The following AGTR1 variants were observed in gnomAD, a reference collection of about 807,000 sequenced individuals.
AGTR1 encodes the protein type-1 angiotensin II receptor.
Under a neutral mutation model 19.4 loss-of-function variants are expected in AGTR1, and 16 were observed. The ratio of observed to expected loss-of-function variants is 0.82; its 90% CI spans 0.56 to 1.25. AGTR1 has a LOEUF of 1.25. Among genes scored for constraint, AGTR1 ranks in the 50% most tolerant of loss-of-function variants. The pLI, the probability that AGTR1 is intolerant of heterozygous loss-of-function variation, is 0.00. For missense variants in AGTR1, 373 were observed against 431.9 expected (o/e 0.86, Z 1.21); for synonymous variants, 153 against 154.9 (o/e 0.99, Z 0.09).
At chr3:148,709,326 C>T (rs1458995247) in intron 2 of AGTR1, among the ~76,000 whole-genome samples, 2 of 152,110 alleles carry the variant, frequency 1.3e-5, no homozygotes, top group Non-Finnish European at 2.9e-5. Context: ...GCAGGAAAAG[C>T]AGGACACTTA....
At chr3:148,739,097 G>C (rs976901302) in intron 2 of AGTR1, among the ~76,000 whole-genome samples, 1 of 152,196 alleles carries the variant, frequency 6.6e-6, no homozygotes, top group Non-Finnish European at 1.5e-5. Flanking sequence ...GGTGGCTCAC[G>C]CCTGTAATTC....
At chr3:148,704,397 T>C (rs1712549341) in intron 1 of AGTR1, among the ~76,000 whole-genome samples, 2 of 152,064 alleles carry the variant, frequency 1.3e-5, no homozygotes, top group African/African-American at 4.8e-5. Context: ...CAACTTTTGA[T>C]ATCTCTATTT....
intron 2 of AGTR1, among the ~76,000 whole-genome samples, chr3:148,722,136 A>G (rs1228240376): frequency 6.6e-6 from 1 of 152,244 alleles, no homozygotes; most frequent in African/African-American, 2.4e-5. Flanking sequence ...TTTAGCATCC[A>G]TTATAAAATC....
chr3:148,701,487 T>A (rs1712338364), intron 1 of AGTR1, among the ~76,000 whole-genome samples: 1 of 152,230 alleles, frequency 6.6e-6, no homozygotes, highest in South Asian at 2.1e-4. Context: ...TGCTGTATGA[T>A]TACATTATTC....
chr3:148,732,757 T>C (rs868796436), intron 2 of AGTR1, among the ~76,000 whole-genome samples: 2,693 of 138,436 alleles, frequency 0.019, 17 homozygotes, highest in Middle Eastern at 0.096. Flanking sequence ...TTTTTTTTTT[T>C]TGAGACGGAG....
intron 2 of AGTR1, among the ~76,000 whole-genome samples, chr3:148,735,457 AC>A (rs1383527258): frequency 2.6e-5 from 4 of 152,122 alleles, no homozygotes; most frequent in African/African-American, 9.7e-5. Flanking sequence ...AGATTACAAA[AC>A]CTAAGCAGAA....
At position 148,741,890 on chromosome 3, in the gene AGTR1, T is replaced by A. The variant is rs1064532; in HGVS notation, c.855T>A (p.Pro285=). The change falls in exon 3 of 3, where the codon CCT becomes CCA. Residue 285 remains proline (P), a synonymous_variant. Coordinates refer to ENST00000349243, the MANE Select transcript of AGTR1 (RefSeq NM_000685.5). ...RIADIVDTAM[P]ITICIAYFNN... ...CAGATATTGTGGACACGGCCATGCC[T>A]ATCACCATTTGTATAGCTTATTTTA... 1 of 1,614,196 alleles carries A rather than the reference T, an allele frequency of 6.2e-7. No individual in the cohort carries two copies. The highest frequency in any genetic ancestry group is 1.1e-5 in the South Asian group (1 of 91,084).
chr3:148,708,389 C>T (rs900573476), intron 2 of AGTR1, among the ~76,000 whole-genome samples: 3 of 152,080 alleles, frequency 2.0e-5, no homozygotes, highest in Non-Finnish European at 4.4e-5. Context: ...ATTGTACTCT[C>T]TTGTCAGCTA....
intron 1 of AGTR1, among the ~76,000 whole-genome samples, chr3:148,699,561 C>T (rs1712200750): frequency 6.9e-6 from 1 of 144,906 alleles, no homozygotes; most frequent in Non-Finnish European, 1.5e-5. Context: ...ATGGAGACTC[C>T]CACTTAACTT....
At chr3:148,707,287 T>C (rs1377818897) in intron 1 of AGTR1, among the ~76,000 whole-genome samples, 1 of 152,088 alleles carries the variant, frequency 6.6e-6, no homozygotes, top group Non-Finnish European at 1.5e-5. Flanking sequence ...AATATACATA[T>C]TTATATGCAT....
At position 148,741,606 on chromosome 3, in the gene AGTR1, C is replaced by T. The variant is rs764933525; in HGVS notation, c.571C>T (p.Leu191Phe). 1.9e-6 allele frequency: 3 copies of T among 1,613,978 alleles called. No individual in the cohort carries two copies. The African/African-American group carries it at 4.0e-5, about 22-fold the overall frequency. The change falls in exon 3 of 3, where the codon CTC becomes TTC. Residue 191 changes from leucine (L) to phenylalanine (F), a missense_variant. Physicochemically the swap from Leu to Phe is conservative, Grantham distance 22. Transcript: ENST00000349243. ...CCATTATGAGTCCCAAAATTCAACC[C>T]TCCCGATAGGGCTGGGCCTGACCAA... ...AFHYESQNST[L>F]PIGLGLTKNI...
At chr3:148,706,372 G>A (rs554586012) in intron 1 of AGTR1, among the ~76,000 whole-genome samples, 3 of 151,956 alleles carry the variant, frequency 2.0e-5, no homozygotes, top group African/African-American at 7.2e-5. Flanking sequence ...AAGTTGGTAT[G>A]CCTAAATGCT....
intron 1 of AGTR1, among the ~76,000 whole-genome samples, chr3:148,702,699 G>T (rs1425083344): frequency 6.6e-6 from 1 of 152,044 alleles, no homozygotes; most frequent in African/African-American, 2.4e-5. Context: ...TCCCCTCCTC[G>T]TGAGATTATA....
chr3:148,740,742 C>A (rs539810613), intron 2 of AGTR1, among the ~76,000 whole-genome samples: 1 of 152,294 alleles, frequency 6.6e-6, no homozygotes, highest in East Asian at 1.9e-4. Context: ...TAGGTTTATT[C>A]ACATAGAATC....
At chr3:148,699,255 C>G (rs2640539) in intron 1 of AGTR1, among the ~76,000 whole-genome samples, 116,873 of 152,068 alleles carry the variant, frequency 0.77, 45,605 homozygotes, top group East Asian at 0.9. Context: ...TTGTGCTTCC[C>G]GCTGAAGATG....
At chr3:148,732,729 A>AT (rs1559930815) in intron 2 of AGTR1, among the ~76,000 whole-genome samples, 27 of 146,082 alleles carry the variant, frequency 1.8e-4, no homozygotes, top group South Asian at 6.5e-4. Context: ...TGCTTCGGAA[A>AT]ATTTTTTTTT....
intron 1 of AGTR1, among the ~76,000 whole-genome samples, chr3:148,706,113 A>G (rs1450659298): frequency 6.6e-6 from 1 of 151,698 alleles, no homozygotes; most frequent in Non-Finnish European, 1.5e-5. Context: ...TTGTCTTGGA[A>G]TTTCTATTAC....
intron 2 of AGTR1, among the ~76,000 whole-genome samples, chr3:148,726,170 G>T (rs965244824): frequency 6.6e-6 from 1 of 151,752 alleles, no homozygotes; most frequent in African/African-American, 2.4e-5. Flanking sequence ...CCCAATTCTA[G>T]TTCTAAGTTT....
rs1559934478 is a variant in AGTR1, at chr3:148,741,819, C to G, written c.784C>G (p.Leu262Val). The G allele has an allele frequency of 1.2e-6, 2 of 1,613,590 alleles. No homozygotes were observed. The highest frequency in any genetic ancestry group is 1.7e-6 in the Non-Finnish European group (2 of 1,179,992). ...SWIPHQIFTF[L>V]DVLIQLGIIR... ...GATTCCCCACCAAATATTCACTTTT[C>G]TGGATGTATTGATTCAACTAGGCAT... The change falls in exon 3 of 3, where the codon CTG (leucine) becomes GTG (valine). Residue 262 changes from leucine to valine, a missense_variant. By Grantham distance (32) the Leu-to-Val change is conservative. Transcript: ENST00000349243.
Sources: allele counts gnomAD v4.1 joint callset (sites outside exome capture counted in the v4.1 genomes callset), GRCh38; gene constraint gnomAD v4.1.1; transcripts MANE v1.5; gene names NCBI Gene and HGNC (gene_info 2026-07-23, HGNC 2026-07-21).